The following APLF variants were observed in gnomAD, a reference collection of about 807,000 sequenced individuals.
APLF encodes the protein aprataxin and PNK-like factor.
A neutral mutation model predicts 55.6 loss-of-function variants in APLF; 61 were observed. The ratio of observed to expected loss-of-function variants is 1.10; its 90% CI spans 0.89 to 1.36. The LOEUF (loss-of-function observed/expected upper bound fraction) is 1.36, where lower values mean the gene tolerates loss of function less well. APLF is among the 40% of genes most tolerant of loss of function. APLF has a pLI of 0.00. For missense variants in APLF, 611 were observed against 602.5 expected, an observed-to-expected ratio of 1.01 and a Z score of -0.15; for synonymous variants, 207 against 214.8, an observed-to-expected ratio of 0.96 and a Z score of 0.32.
At chr2:68,481,599 G>A (rs1675959210) in intron 1 of APLF, among the ~76,000 whole-genome samples, 1 of 152,078 alleles carries the variant, frequency 6.6e-6, no homozygotes, top group Admixed American at 6.5e-5. Context: ...TTTTTGGGCT[G>A]AATTTATTTG....
At chr2:68,525,787 T>C (rs1039625485) in intron 5 of APLF, among the ~76,000 whole-genome samples, 3 of 132,510 alleles carry the variant, frequency 2.3e-5, no homozygotes, top group Non-Finnish European at 4.6e-5. Context: ...GCTCGCTCTG[T>C]CACCCAGACT....
intron 7 of APLF, among the ~76,000 whole-genome samples, chr2:68,539,099 C>T (rs1303858465): frequency 1.3e-5 from 2 of 152,130 alleles, no homozygotes; most frequent in African/African-American, 4.8e-5. Flanking sequence ...CATTTTAGCA[C>T]TTGAATAACT....
chr2:68,519,682 A>G (rs1669835863), intron 5 of APLF, among the ~76,000 whole-genome samples: 1 of 150,278 alleles, frequency 6.7e-6, no homozygotes, highest in South Asian at 2.1e-4. Context: ...ATATATGTAT[A>G]TATATATATA....
intron 3 of APLF, among the ~76,000 whole-genome samples, chr2:68,507,702 T>C (rs1676907568): frequency 6.6e-6 from 1 of 151,946 alleles, no homozygotes; most frequent in Admixed American, 6.6e-5. Flanking sequence ...GTTTTTTGAA[T>C]GCATTAATGA....
intron 1 of APLF, among the ~76,000 whole-genome samples, chr2:68,477,710 A>C (rs1675821834): frequency 6.6e-6 from 1 of 152,204 alleles, no homozygotes; most frequent in Non-Finnish European, 1.5e-5. Context: ...AAAGAAGCTT[A>C]ATAGACTCAC....
intron 5 of APLF, among the ~76,000 whole-genome samples, chr2:68,523,866 T>C (rs1669962678): frequency 6.6e-6 from 1 of 151,874 alleles, no homozygotes; most frequent in Admixed American, 6.6e-5. Flanking sequence ...ATACTCTTTG[T>C]GAAGAGCATT....
intron 3 of APLF, among the ~76,000 whole-genome samples, chr2:68,505,490 C>T (rs922661169): frequency 2.6e-5 from 4 of 151,994 alleles, no homozygotes; most frequent in South Asian, 2.1e-4. Flanking sequence ...TGAATTTTTT[C>T]GTATTGATGA....
intron 1 of APLF, among the ~76,000 whole-genome samples, chr2:68,488,969 T>C (rs1253802621): frequency 6.6e-6 from 1 of 150,756 alleles, no homozygotes. Flanking sequence ...ACTTAAAGTA[T>C]AATAATAAAA....
At chr2:68,486,707 T>C (rs1676186267) in intron 1 of APLF, among the ~76,000 whole-genome samples, 1 of 152,186 alleles carries the variant, frequency 6.6e-6, no homozygotes, top group Admixed American at 6.5e-5. Flanking sequence ...TTTTATTTGC[T>C]CTATTTGTTG....
At chr2:68,548,169 T>G (rs1377970125) in intron 8 of APLF, among the ~76,000 whole-genome samples, 1 of 151,756 alleles carries the variant, frequency 6.6e-6, no homozygotes, top group East Asian at 1.9e-4. Flanking sequence ...ATAAGGGAAT[T>G]GTTTCATGAT....
chr2:68,559,661 A>G (rs1175371329), intron 8 of APLF, among the ~76,000 whole-genome samples: 1 of 152,084 alleles, frequency 6.6e-6, no homozygotes, highest in Non-Finnish European at 1.5e-5. Context: ...TTTAAAATAT[A>G]TTAGGAACCT....
intron 6 of APLF, among the ~76,000 whole-genome samples, chr2:68,527,995 G>A (rs1405728632): frequency 6.6e-6 from 1 of 151,010 alleles, no homozygotes; most frequent in Non-Finnish European, 1.5e-5. Flanking sequence ...GCTGGGCAGA[G>A]GCGCTCGTCA....
intron 7 of APLF, among the ~76,000 whole-genome samples, chr2:68,540,640 G>A (rs954122237): frequency 2.0e-5 from 3 of 152,116 alleles, no homozygotes; most frequent in Non-Finnish European, 4.4e-5. Context: ...GTGTAAAAGT[G>A]TTCCTATTTC....
At chr2:68,565,028 T>C (rs13408286) in intron 8 of APLF, among the ~76,000 whole-genome samples, 16,456 of 152,108 alleles carry the variant, frequency 0.11, 1,153 homozygotes, top group African/African-American at 0.19. Context: ...TTCAAGTGCT[T>C]AACAGTCACA....
chr2:68,558,354 T>G (rs1671071099), intron 8 of APLF, among the ~76,000 whole-genome samples: 1 of 152,188 alleles, frequency 6.6e-6, no homozygotes, highest in Non-Finnish European at 1.5e-5. Context: ...TTTTTACTAT[T>G]TTATGCTGGT....
At chr2:68,569,551 A>G (rs573623750) in intron 9 of APLF, among the ~76,000 whole-genome samples, 5 of 152,256 alleles carry the variant, frequency 3.3e-5, no homozygotes, top group Non-Finnish European at 5.9e-5. Flanking sequence ...TATTGAAGCT[A>G]GATTATGGAA....
chr2:68,500,792 G>A (rs867589307), intron 2 of APLF, among the ~76,000 whole-genome samples: 1 of 152,176 alleles, frequency 6.6e-6, no homozygotes, highest in Non-Finnish European at 1.5e-5. Context: ...TCGCCCAAAA[G>A]GATGAGGAAT....
chr2:68,516,914 T>C (rs1231215321), intron 5 of APLF, among the ~76,000 whole-genome samples: 3 of 128,382 alleles, frequency 2.3e-5, no homozygotes, highest in Non-Finnish European at 4.7e-5. Flanking sequence ...ATATATCCTA[T>C]ATAACATTAT....
At chr2:68,576,878 T>C (rs1416458214) in intron 9 of APLF, among the ~76,000 whole-genome samples, 2 of 152,190 alleles carry the variant, frequency 1.3e-5, no homozygotes, top group African/African-American at 4.8e-5. Flanking sequence ...TCCTCTGCCA[T>C]TCAGATTTCT....
Sources: allele counts gnomAD v4.1 joint callset (sites outside exome capture counted in the v4.1 genomes callset), GRCh38; gene constraint gnomAD v4.1.1; transcripts MANE v1.5; gene names NCBI Gene and HGNC (gene_info 2026-07-23, HGNC 2026-07-21).